Variants in SNTG1 observed in about 807,000 individuals in gnomAD.
SNTG1 encodes syntrophin gamma 1.
In SNTG1, 39 loss-of-function variants were observed where a neutral mutation model predicts 74.7. The observed-to-expected ratio is 0.52, with a 90% CI of 0.40 to 0.68. The LOEUF is 0.68. SNTG1 is among the 30% of genes least tolerant of loss of function. SNTG1 has a pLI of 0.00. For missense variants in SNTG1, 685 were observed against 609.5 expected (o/e 1.12, Z -1.30); for synonymous variants, 254 against 217.1 (o/e 1.17, Z -1.49).
chr8:49,974,459 T>C (rs1050211348), intron 1 of SNTG1, among the ~76,000 whole-genome samples: 4 of 152,210 alleles, frequency 2.6e-5, no homozygotes, highest in Non-Finnish European at 5.9e-5. Flanking sequence ...AGTTAACATA[T>C]GATGAAATCA....
intron 2 of SNTG1, among the ~76,000 whole-genome samples, chr8:50,388,465 A>G (rs2092607760): frequency 6.6e-6 from 1 of 152,180 alleles, no homozygotes; most frequent in African/African-American, 2.4e-5. Context: ...TTACAGAATC[A>G]ATTCCTGAAA....
intron 11 of SNTG1, among the ~76,000 whole-genome samples, chr8:50,551,882 A>T (rs2094429255): frequency 6.6e-6 from 1 of 152,174 alleles, no homozygotes; most frequent in South Asian, 2.1e-4. Flanking sequence ...AGAGTCGTGG[A>T]TGCCCAAGGC....
At chr8:50,715,218 G>A (rs562904636) in intron 17 of SNTG1, among the ~76,000 whole-genome samples, 1 of 152,158 alleles carries the variant, frequency 6.6e-6, no homozygotes, top group Non-Finnish European at 1.5e-5. Context: ...GTAGCACAAA[G>A]AATATTCATA....
intron 1 of SNTG1, among the ~76,000 whole-genome samples, chr8:50,078,281 G>A (rs1276467590): frequency 6.6e-6 from 1 of 152,000 alleles, no homozygotes; most frequent in African/African-American, 2.4e-5. Context: ...TACACTTTAT[G>A]TTCAGTTTGT....
intron 17 of SNTG1, among the ~76,000 whole-genome samples, chr8:50,733,346 G>A (rs1006178826): frequency 6.6e-6 from 1 of 151,886 alleles, no homozygotes; most frequent in African/African-American, 2.4e-5. Context: ...AGGGACTTGG[G>A]TTGATTCCAT....
chr8:50,049,329 G>T (rs539528914), intron 1 of SNTG1, among the ~76,000 whole-genome samples: 18 of 152,062 alleles, frequency 1.2e-4, no homozygotes, highest in Non-Finnish European at 2.2e-4. Context: ...AGAAATATAT[G>T]CCATGTTAAC....
chr8:49,916,838 T>C (rs1806082737), intron 1 of SNTG1, among the ~76,000 whole-genome samples: 1 of 151,500 alleles, frequency 6.6e-6, no homozygotes, highest in Non-Finnish European at 1.5e-5. Flanking sequence ...AGACCTCGTT[T>C]CTTCAATAGA....
intron 2 of SNTG1, among the ~76,000 whole-genome samples, chr8:50,238,230 G>A (rs2086005191): frequency 6.6e-6 from 1 of 152,042 alleles, no homozygotes; most frequent in African/African-American, 2.4e-5. Context: ...CACACTACTT[G>A]ACTTATAACT....
chr8:50,283,607 T>C lies in SNTG1; in HGVS notation c.-27-110605T>C, dbSNP rs75812121. ...AGTATTAGTTCTCCATTTATATATTTTCAGTGCTCACCCTATTTACTTTTA... is the reference window on the plus strand; with the variant it reads ...AGTATTAGTTCTCCATTTATATATTCTCAGTGCTCACCCTATTTACTTTTA... On this transcript the variant is annotated intron_variant, in intron 2 of 18. Coordinates refer to ENST00000642720, the MANE Select transcript of SNTG1 (RefSeq NM_018967.5). 5.2e-3 allele frequency among the ~76,000 whole-genome samples: 794 copies of C among 152,294 alleles called. 17 individuals carry two copies. Among genetic ancestry groups the C allele is most frequent in the African/African-American group, 0.018 (765 of 41,570 alleles).
At chr8:50,687,981 T>C (rs1478004751) in intron 15 of SNTG1, among the ~76,000 whole-genome samples, 1 of 152,240 alleles carries the variant, frequency 6.6e-6, no homozygotes, top group Non-Finnish European at 1.5e-5. Flanking sequence ...CATTGTGGTT[T>C]TAATTTGCAT....
intron 13 of SNTG1, among the ~76,000 whole-genome samples, chr8:50,596,864 A>G (rs2094730895): frequency 2.0e-5 from 3 of 152,068 alleles, no homozygotes; most frequent in South Asian, 4.1e-4. Context: ...TAATGAGTCA[A>G]TCAGAGTAAT....
At chr8:49,977,193 C>T (rs1326608488) in intron 1 of SNTG1, among the ~76,000 whole-genome samples, 1 of 151,900 alleles carries the variant, frequency 6.6e-6, no homozygotes, top group Non-Finnish European at 1.5e-5. Context: ...CAAGCCAAAG[C>T]AGACTCAATA....
At chr8:50,775,570 G>C (rs540845322) in intron 18 of SNTG1, among the ~76,000 whole-genome samples, 1 of 151,582 alleles carries the variant, frequency 6.6e-6, no homozygotes, top group South Asian at 2.1e-4. Flanking sequence ...ACAGAAACTT[G>C]CAAATAATGT....
intron 17 of SNTG1, among the ~76,000 whole-genome samples, chr8:50,720,261 G>A (rs918237640): frequency 6.6e-6 from 1 of 152,050 alleles, no homozygotes. Flanking sequence ...CCTTACCCTT[G>A]CCATTTAGCC....
intron 13 of SNTG1, among the ~76,000 whole-genome samples, chr8:50,636,965 A>G (rs940729215): frequency 6.6e-6 from 1 of 152,130 alleles, no homozygotes; most frequent in Non-Finnish European, 1.5e-5. Flanking sequence ...CCTCCATAGC[A>G]TAATTCAGAA....
chr8:50,487,188 A>G (rs924622514), intron 8 of SNTG1, among the ~76,000 whole-genome samples: 10 of 152,118 alleles, frequency 6.6e-5, no homozygotes, highest in Admixed American at 1.3e-4. Context: ...TCAGGAAACA[A>G]CAGGTGCTGG....
intron 13 of SNTG1, among the ~76,000 whole-genome samples, chr8:50,652,407 G>A (rs1021211832): frequency 1.3e-5 from 2 of 152,070 alleles, no homozygotes; most frequent in African/African-American, 2.4e-5. Flanking sequence ...TTATTTTATA[G>A]TTATTCAATG....
intron 14 of SNTG1, 55 bp downstream of exon 14, chr8:50,657,080 C>A (rs200723513): frequency 6.8e-6 from 7 of 1,030,750 alleles, no homozygotes; most frequent in Non-Finnish European, 9.6e-6. Flanking sequence ...AAGAGATTGA[C>A]ACCAACTTAA....
intron 1 of SNTG1, among the ~76,000 whole-genome samples, chr8:50,135,953 T>C (rs550630926): frequency 1.6e-4 from 24 of 152,292 alleles, no homozygotes; most frequent in African/African-American, 5.5e-4. Flanking sequence ...CTTCTTTGTG[T>C]CCATGTGTAC....
Sources: allele counts gnomAD v4.1 joint callset (sites outside exome capture counted in the v4.1 genomes callset), GRCh38; gene constraint gnomAD v4.1.1; transcripts MANE v1.5; gene names NCBI Gene and HGNC (gene_info 2026-07-23, HGNC 2026-07-21).